WDR59: variants seen among roughly 807,000 people sequenced by gnomAD.
WDR59 encodes WD repeat domain 59.
Under a neutral mutation model 131.2 loss-of-function variants are expected in WDR59, and 100 were observed. That is an observed-to-expected ratio of 0.76 (90% CI 0.65 to 0.90). WDR59 has a LOEUF of 0.90. Ranked by LOEUF, WDR59 falls within the 40% of genes least tolerant of loss-of-function variation. The pLI is 0.00. For synonymous variants in WDR59, 601 were observed against 466.2 expected (o/e 1.29, Z -3.72); for missense variants, 1,203 against 1,262.2 (o/e 0.95, Z 0.71).
At chr16:74,953,757 T>G (rs1407284012) in intron 3 of WDR59, among the ~76,000 whole-genome samples, 2 of 151,568 alleles carry the variant, frequency 1.3e-5, no homozygotes, top group Admixed American at 1.3e-4. Context: ...ATCCCAGCAC[T>G]TTGGGAGGCC....
chr16:74,949,741 G>C lies in WDR59; in HGVS notation c.384C>G (p.Thr128=). The change falls in exon 5 of 26, where the codon ACC becomes ACG. Residue 128 remains threonine (T), a synonymous_variant. Coordinates refer to ENST00000262144, the MANE Select transcript of WDR59 (RefSeq NM_030581.4). ...PDLLVTSSVD[T]YIYIWDIKDT... Reference sequence around the variant, plus strand: ...ACTTGATATCCCAAATGTAGATGTAGGTGTCCACAGAGCTGGTAACCAGGA... The same window carrying C: ...ACTTGATATCCCAAATGTAGATGTACGTGTCCACAGAGCTGGTAACCAGGA... The C allele has an allele frequency of 1.9e-6, 3 of 1,613,858 alleles. No homozygotes were observed. Among genetic ancestry groups the C allele is most frequent in the Non-Finnish European group, 2.5e-6 (3 of 1,179,902 alleles).
chr16:74,952,831 T>A (rs1200571574), intron 3 of WDR59, among the ~76,000 whole-genome samples: 2 of 151,936 alleles, frequency 1.3e-5, no homozygotes, highest in African/African-American at 4.8e-5. Flanking sequence ...GACAGACGTA[T>A]AAAATTCTGA....
chr16:74,874,118 C>G lies in WDR59; in HGVS notation c.*91G>C. On this transcript the variant is annotated 3_prime_UTR_variant, in exon 26 of 26. Transcript: ENST00000262144. The stretch of plus-strand genomic sequence containing the variant: ...TCCTCCGGTCTCACTGGGGACGAAC[C>G]CAGGTTCTGGAGCCTCTCCCCTGAC... 1 of 1,151,040 alleles carries G rather than the reference C, an allele frequency of 8.7e-7. No individual in the cohort carries two copies. The highest frequency in any genetic ancestry group is 1.5e-5 in the South Asian group (1 of 66,984). 71.3% of individuals were successfully genotyped at this position (1,151,040 alleles called of 1,614,324 possible).
intron 1 of WDR59, among the ~76,000 whole-genome samples, chr16:74,973,146 C>CA (rs2034054346): frequency 6.6e-6 from 1 of 152,032 alleles, no homozygotes; most frequent in African/African-American, 2.4e-5. Context: ...AAGACTAAGG[C>CA]AGGAGAATCG....
intron 8 of WDR59, among the ~76,000 whole-genome samples, chr16:74,928,819 G>C (rs1488704678): frequency 1.3e-5 from 2 of 152,102 alleles, no homozygotes; most frequent in East Asian, 3.9e-4. Flanking sequence ...TGAGGCACAA[G>C]AATCGCTTGA....
At chr16:74,899,599 C>T in intron 18 of WDR59, 1 of 1,020,438 alleles carries the variant, frequency 9.8e-7, no homozygotes, top group African/African-American at 1.7e-5. Context: ...GCTCGCCTGT[C>T]ATTTCAGGTT....
At chr16:74,975,636 T>C (rs1301406346) in intron 1 of WDR59, among the ~76,000 whole-genome samples, 26 of 148,306 alleles carry the variant, frequency 1.8e-4, no homozygotes, top group Non-Finnish European at 4.5e-5. Context: ...TGCACTCCAG[T>C]CTGGGCAACA....
At chr16:74,933,837 G>A (rs1395180226) in intron 8 of WDR59, among the ~76,000 whole-genome samples, 2 of 152,234 alleles carry the variant, frequency 1.3e-5, no homozygotes, top group South Asian at 4.2e-4. Flanking sequence ...CACCCGCCTC[G>A]GCCTCCCAAA....
At chr16:74,935,738 A>G (rs1242971602) in intron 8 of WDR59, among the ~76,000 whole-genome samples, 1 of 152,122 alleles carries the variant, frequency 6.6e-6, no homozygotes, top group Non-Finnish European at 1.5e-5. Flanking sequence ...TTCAATAAAA[A>G]TTGTCTTGCT....
At chr16:74,918,690 A>C (rs1169329538) in intron 10 of WDR59, among the ~76,000 whole-genome samples, 1 of 152,246 alleles carries the variant, frequency 6.6e-6, no homozygotes, top group Non-Finnish European at 1.5e-5. Flanking sequence ...TTTGCGGATA[A>C]TTATGCAGTA....
At chr16:74,880,070 T>C (rs1352223485) in intron 25 of WDR59, among the ~76,000 whole-genome samples, 1 of 152,200 alleles carries the variant, frequency 6.6e-6, no homozygotes, top group Non-Finnish European at 1.5e-5. Context: ...GCCTTCCTCC[T>C]TATCATGATA....
At position 74,923,911 on chromosome 16, in the gene WDR59, G is replaced by C. The variant is rs1473470582; in HGVS notation, c.729+15C>G. The C allele has an allele frequency of 3.7e-6, 6 of 1,611,626 alleles. No individual in the cohort carries two copies. Among genetic ancestry groups the C allele is most frequent in the Non-Finnish European group, 5.1e-6 (6 of 1,178,930 alleles). ...AAAAGAAGTTTCTTATCAAGAGGCA[G>C]GGTGGCTCACTCACTGTGTATCTGG... On this transcript the variant is annotated intron_variant, in intron 9 of 25. Transcript: ENST00000262144.
At chr16:74,935,095 G>T (rs937676424) in intron 8 of WDR59, among the ~76,000 whole-genome samples, 8 of 152,004 alleles carry the variant, frequency 5.3e-5, no homozygotes, top group African/African-American at 1.9e-4. Flanking sequence ...CTGGCATGTT[G>T]GTGCACCCTT....
chr16:74,920,440 C>G (rs2030092426), intron 10 of WDR59, among the ~76,000 whole-genome samples: 1 of 152,068 alleles, frequency 6.6e-6, no homozygotes, highest in Admixed American at 6.6e-5. Context: ...CTCGATCTGT[C>G]TCCAGGCTGG....
intron 6 of WDR59, 127 bp downstream of exon 6, chr16:74,948,392 C>A (rs1319365048): frequency 1.1e-6 from 1 of 906,410 alleles, no homozygotes; most frequent in East Asian, 2.4e-5. Context: ...TCAGCCACGG[C>A]GCAGCCCAGA....
chr16:74,923,075 A>G (rs369480221), intron 9 of WDR59, among the ~76,000 whole-genome samples: 1 of 152,210 alleles, frequency 6.6e-6, no homozygotes, highest in African/African-American at 2.4e-5. Context: ...TAGAAAGCAC[A>G]TTCATATAAG....
intron 25 of WDR59, among the ~76,000 whole-genome samples, chr16:74,884,958 G>A (rs530416742): frequency 2.0e-5 from 3 of 152,098 alleles, no homozygotes; most frequent in African/African-American, 7.2e-5. Context: ...CCCCCACATC[G>A]TTTCTGTTTG....
intron 6 of WDR59, 79 bp downstream of exon 6, chr16:74,948,440 A>C (rs1159932043): frequency 7.6e-7 from 1 of 1,309,250 alleles, no homozygotes; most frequent in African/African-American, 1.5e-5. Flanking sequence ...AGGAATAGGA[A>C]GGAACGGGAA....
intron 25 of WDR59, among the ~76,000 whole-genome samples, chr16:74,880,794 G>C (rs1597625564): frequency 6.6e-6 from 1 of 152,208 alleles, no homozygotes; most frequent in Non-Finnish European, 1.5e-5. Context: ...TGATTCCAAG[G>C]CTTTTCAAAA....
Sources: allele counts gnomAD v4.1 joint callset (sites outside exome capture counted in the v4.1 genomes callset), GRCh38; gene constraint gnomAD v4.1.1; transcripts MANE v1.5; gene names NCBI Gene and HGNC (gene_info 2026-07-23, HGNC 2026-07-21).